NXN: variants seen among roughly 807,000 people sequenced by gnomAD.
NXN encodes the protein nucleoredoxin 1.
Under a neutral mutation model 48.6 loss-of-function variants are expected in NXN, and 16 were observed. That is an observed-to-expected ratio of 0.33 (90% confidence interval 0.22 to 0.50). The LOEUF (loss-of-function observed/expected upper bound fraction) is 0.50. Ranked by LOEUF, NXN falls within the 20% of genes least tolerant of loss-of-function variation. The pLI is 0.98. For synonymous variants in NXN, 281 were observed against 269.6 expected (o/e 1.04, Z -0.41); for missense variants, 492 against 605.5 (o/e 0.81, Z 1.97).
In NXN at chr17:978,972, G is replaced by A. The variant is rs1399559426; in HGVS notation, c.360+347C>T. On this transcript the variant is annotated intron_variant, in intron 1 of 7. Transcript: ENST00000336868. This position sits in a 1 kb window ranked among gnomAD's most constrained non-coding sequence, Gnocchi z 4.1. ...CCGAGCGCAGCCGCCCCCACCCGAG[G>A]CTCCCAGCGTGTGCGGACGGAGGGG... Among the ~76,000 whole-genome samples the A allele has an allele frequency of 6.6e-6, 1 of 150,824 alleles. No homozygotes were observed. Among genetic ancestry groups the A allele is most frequent in the Non-Finnish European group, 1.5e-5 (1 of 67,558 alleles).
rs140438246 is a variant in NXN at position 873,627 on chromosome 17, T to C, written c.361-47549A>G. On this transcript the variant is annotated intron_variant, in intron 1 of 7. Transcript: ENST00000336868. ...ACTGGAAGCTTCTTTTAGCATCTTC[T>C]TGAGACCTCCTTAGCTAGAAAGTCT... Among the ~76,000 whole-genome samples, 50 of 152,266 alleles carry C rather than the reference T, an allele frequency of 3.3e-4. No homozygotes were observed. In the East Asian group the frequency reaches 8.9e-3, roughly 27 times the overall value.
Position 973,895 on chromosome 17 carries a change from T to A in NXN, c.360+5424A>T, listed in dbSNP as rs535625468. 1.2e-4 allele frequency among the ~76,000 whole-genome samples: 18 copies of A among 151,658 alleles called. No individual in the cohort carries two copies. The South Asian group carries it at 3.8e-3, about 32-fold the overall frequency. On this transcript the variant is annotated intron_variant, in intron 1 of 7. Coordinates refer to ENST00000336868, the MANE Select transcript of NXN (RefSeq NM_022463.5). The stretch of plus-strand genomic sequence containing the variant: ...GGTTTCACCATGTTGGCCAGGCTGG[T>A]CTTGAACTCCTGACCTCAAGTGACC...
chr17:938,848 C>T (rs12950096), intron 1 of NXN, among the ~76,000 whole-genome samples: 1 of 151,674 alleles, frequency 6.6e-6, no homozygotes, highest in Non-Finnish European at 1.5e-5. Flanking sequence ...TCACTTGAGG[C>T]CAGGGGTTCA....
rs1292732616 is a variant in NXN, at chr17:978,345, C to T, written c.360+974G>A. ...TGTGCTTTATTATCACAGAGACAGACATCCTCACCCAAGGGACACACTCAG... is the reference window on the plus strand; with the variant it reads ...TGTGCTTTATTATCACAGAGACAGATATCCTCACCCAAGGGACACACTCAG... On this transcript the variant is annotated intron_variant, in intron 1 of 7. Transcript: ENST00000336868. The surrounding 1 kb of genome is among the most constrained non-coding windows in gnomAD (Gnocchi z 4.1). The T allele has an allele frequency of 6.6e-6, 1 of 152,292 alleles. No individual in the cohort carries two copies. 9.4% of individuals were successfully genotyped at this position (152,292 alleles called of 1,614,324 possible).
intron 5 of NXN, among the ~76,000 whole-genome samples, chr17:812,833 T>G (rs1567812828): frequency 6.7e-6 from 1 of 149,552 alleles, no homozygotes; most frequent in African/African-American, 2.5e-5. Flanking sequence ...AGTGTGCATG[T>G]GTGAGTGTAG....
rs189363459 is a variant in NXN, at chr17:841,589, C to T, written c.361-15511G>A. Among the ~76,000 whole-genome samples, 65 of 105,362 alleles carry T rather than the reference C, an allele frequency of 6.2e-4. 2 individuals are homozygous for T. Among genetic ancestry groups the T allele is most frequent in the South Asian group, 9.0e-4 (3 of 3,320 alleles). 69.1% of individuals were successfully genotyped at this position (105,362 alleles called of 152,430 possible). A position where few individuals can be genotyped will look rare whatever the true frequency, so the allele number is the denominator to read the frequency against. ...CTGACCACGGAGCATCTCACGCCGG[C>T]GAGCAGGTCCCCCCGACCACAGAGC... On this transcript the variant is annotated intron_variant, in intron 1 of 7. Transcript: ENST00000336868.
chr17:825,846 A>G lies in NXN; in HGVS notation c.478+115T>C, dbSNP rs2277683. On this transcript the variant is annotated intron_variant, in intron 2 of 7. Coordinates refer to ENST00000336868, the MANE Select transcript of NXN (RefSeq NM_022463.5). This position sits in a 1 kb window ranked among gnomAD's most constrained non-coding sequence, Gnocchi z 4.1. The stretch of plus-strand genomic sequence containing the variant: ...ACGACATTCTCTACCACGTAAACCC[A>G]CGTGTATCTATTTCACCAGTACTCT... 154 of 682,554 alleles carry G rather than the reference A, an allele frequency of 2.3e-4. No individual in the cohort carries two copies. In the East Asian group the frequency reaches 3.9e-3, roughly 17 times the overall value. 42.3% of individuals were successfully genotyped at this position (682,554 alleles called of 1,614,324 possible). A position where few individuals can be genotyped will look rare whatever the true frequency, so the allele number is the denominator to read the frequency against.
At chr17:845,551 G>A (rs889802882) in intron 1 of NXN, among the ~76,000 whole-genome samples, 1 of 152,190 alleles carries the variant, frequency 6.6e-6, no homozygotes, top group Admixed American at 6.5e-5. Context: ...CATAAGACGA[G>A]GCCCTTCAGG....
chr17:887,285 G>A (rs961519173), intron 1 of NXN, among the ~76,000 whole-genome samples: 3 of 152,164 alleles, frequency 2.0e-5, no homozygotes, highest in Admixed American at 6.5e-5. Context: ...TCCCAGGCAA[G>A]TGGCCACAGC....
chr17:899,021 G>T (rs62068459), intron 1 of NXN, among the ~76,000 whole-genome samples: 1 of 115,434 alleles, frequency 8.7e-6, no homozygotes, highest in Non-Finnish European at 2.1e-5. Context: ...GCAGTGGCAC[G>T]ATCTTGGCTC....
Position 949,656 on chromosome 17 carries a change from C to CCA in NXN, c.360+29662_360+29663insTG. 9.0e-4 allele frequency among the ~76,000 whole-genome samples: 15 copies of CCA among 16,710 alleles called. 3 individuals are homozygous for CCA. Among genetic ancestry groups the CCA allele is most frequent in the African/African-American group, 2.8e-3 (15 of 5,402 alleles). The allele number at this position is 16,710 out of a possible 152,430, so 11.0% of individuals were successfully genotyped here. On this transcript the variant is annotated intron_variant, in intron 1 of 7. Coordinates refer to ENST00000336868, the MANE Select transcript of NXN (RefSeq NM_022463.5). ...CTCTCCCCCCTGCCTCCTCCTCTCC[C>CCA]CGTTGCCTCCTCCTCTCCCCGTGGC...
intron 1 of NXN, among the ~76,000 whole-genome samples, chr17:901,030 C>T (rs1443622707): frequency 3.3e-5 from 5 of 149,430 alleles, no homozygotes; most frequent in South Asian, 4.2e-4. Flanking sequence ...AAGTGATTCT[C>T]GTGCCTCAGC....
chr17:933,360 G>A (rs2068874283), intron 1 of NXN: 1 of 152,234 alleles, frequency 6.6e-6, no homozygotes, highest in African/African-American at 2.4e-5. Context: ...AAGCACTCGA[G>A]ACAGGAGCGG....
At chr17:814,792 T>A (rs1345007618) in intron 5 of NXN, among the ~76,000 whole-genome samples, 1 of 149,912 alleles carries the variant, frequency 6.7e-6, no homozygotes, top group East Asian at 2.1e-4. Context: ...TAGGGAGGAA[T>A]TTCACTCTTG....
Position 934,989 on chromosome 17 carries a change from T to A in NXN, c.360+44330A>T, listed in dbSNP as rs577312339. On this transcript the variant is annotated intron_variant, in intron 1 of 7. Transcript: ENST00000336868. ...TTTTGCTGTGCTCTTTATTTTTTTT[T>A]ATTTATTTATTGTTTTTTGAGATGG... Among the ~76,000 whole-genome samples, 353 of 151,688 alleles carry A rather than the reference T, an allele frequency of 2.3e-3. 1 individual carries two copies. Among genetic ancestry groups the A allele is most frequent in the African/African-American group, 7.8e-3 (321 of 41,334 alleles).
intron 1 of NXN, among the ~76,000 whole-genome samples, chr17:841,380 G>T (rs1914174438): frequency 6.6e-6 from 1 of 151,652 alleles, no homozygotes; most frequent in Non-Finnish European, 1.5e-5. Flanking sequence ...CCCACACACG[G>T]TGCATCTCAC....
At chr17:845,154 G>A (rs1027193498) in intron 1 of NXN, among the ~76,000 whole-genome samples, 1 of 152,150 alleles carries the variant, frequency 6.6e-6, no homozygotes, top group Non-Finnish European at 1.5e-5. Context: ...ATGGGAACAC[G>A]GGAGGTGATC....
chr17:819,615 C>A, intron 4 of NXN, 70 bp from the exon 5 acceptor site: 1 of 1,069,588 alleles, frequency 9.3e-7, no homozygotes, highest in Non-Finnish European at 1.4e-6. Context: ...CCTCCCACCT[C>A]TGCCGAGTTC....
intron 1 of NXN, among the ~76,000 whole-genome samples, chr17:972,194 C>G (rs1032030657): frequency 6.6e-6 from 1 of 152,060 alleles, no homozygotes; most frequent in African/African-American, 2.4e-5. Flanking sequence ...CCCAGCTACT[C>G]GGGAGGCTGA....
Sources: gnomAD v4.1 joint callset for allele counts (sites outside exome capture counted in the v4.1 genomes callset) on GRCh38, gnomAD v4.1.1 for gene constraint, Gnocchi (gnomAD v3.1) non-coding constraint, MANE v1.5 for transcripts, NCBI Gene and HGNC (gene_info 2026-07-23, HGNC 2026-07-21) for gene names.